Variants in ZFHX3 observed in about 807,000 individuals in gnomAD.
ZFHX3 encodes the protein zinc finger homeobox 3, also known as zinc finger homeobox protein 3.
ZFHX3 carries 42 observed loss-of-function variants against 279.1 expected under a neutral mutation model. That is an observed-to-expected ratio of 0.15 (90% CI 0.12 to 0.19). ZFHX3 has a LOEUF of 0.19. ZFHX3 is among the 10% of genes least tolerant of loss of function. The probability of loss-of-function intolerance (pLI) is 1.00; values close to 1 mark genes in which losing one functional copy is unlikely to be tolerated. For missense variants in ZFHX3, 4,981 were observed against 4,754.0 expected (o/e 1.05, Z -1.40); for synonymous variants, 2,293 against 1,957.8 (o/e 1.17, Z -4.52).
chr16:73,213,850 G>A (rs2012104822), intron 5 of ZFHX3, among the ~76,000 whole-genome samples: 1 of 152,124 alleles, frequency 6.6e-6, no homozygotes, highest in African/African-American at 2.4e-5. Context: ...AACATCAGCT[G>A]TCCTCTCAGT....
At chr16:73,303,452 T>C (rs2015105375) in intron 4 of ZFHX3, among the ~76,000 whole-genome samples, 1 of 152,190 alleles carries the variant, frequency 6.6e-6, no homozygotes, top group Admixed American at 6.5e-5. Context: ...AGGCTGATCT[T>C]ACAATTGACA....
chr16:72,852,557 G>C (rs1423662061), intron 4 of ZFHX3, among the ~76,000 whole-genome samples: 1 of 152,226 alleles, frequency 6.6e-6, no homozygotes, highest in Non-Finnish European at 1.5e-5. Flanking sequence ...AATGGAGACA[G>C]CTGTGCAACA....
chr16:72,927,679 G>A (rs879592486), intron 3 of ZFHX3, among the ~76,000 whole-genome samples: 12 of 151,892 alleles, frequency 7.9e-5, no homozygotes, highest in Middle Eastern at 3.2e-3. Context: ...CCGCCCCTCC[G>A]GAGCCGCCCG....
intron 5 of ZFHX3, among the ~76,000 whole-genome samples, chr16:73,222,434 G>C (rs1027481516): frequency 1.3e-5 from 2 of 151,962 alleles, no homozygotes; most frequent in Admixed American, 1.3e-4. Flanking sequence ...CAATGAACAA[G>C]TGGAATTTGA....
At position 72,797,021 on chromosome 16, in the gene ZFHX3, T is replaced by C. The variant is rs2143443604; in HGVS notation, c.5661A>G (p.Lys1887=). The change falls in exon 9 of 10, where the codon AAA becomes AAG. Residue 1887 remains lysine, a synonymous_variant. Transcript: ENST00000268489. ...KNKLVIKEKE[K]ESQRERDSAE... ...CGCTGTCCCTCTCTCTCTGGCTTTC[T>C]TTTTCCTTTTCTTTGATGACCAATT... is the stretch of plus-strand genomic sequence containing the variant. The C allele has an allele frequency of 6.2e-7, 1 of 1,614,086 alleles. No homozygotes were observed. The highest frequency in any genetic ancestry group is 8.5e-7 in the Non-Finnish European group (1 of 1,180,022).
chr16:72,805,070 C>G (rs535985712), intron 7 of ZFHX3, among the ~76,000 whole-genome samples: 1 of 152,108 alleles, frequency 6.6e-6, no homozygotes, highest in African/African-American at 2.4e-5. Flanking sequence ...CTCCGCCTCC[C>G]GGGTTCAAGT....
chr16:72,953,084 G>A (rs997203653), intron 2 of ZFHX3, among the ~76,000 whole-genome samples: 2 of 151,982 alleles, frequency 1.3e-5, no homozygotes, highest in South Asian at 2.1e-4. Flanking sequence ...AAGTCACCTC[G>A]AGTGATAAGA....
At chr16:73,030,623 T>C (rs563667425) in intron 1 of ZFHX3, among the ~76,000 whole-genome samples, 1 of 151,460 alleles carries the variant, frequency 6.6e-6, no homozygotes, top group African/African-American at 2.4e-5. Context: ...AAGATATTGT[T>C]TGAAGGGAAA....
chr16:73,748,501 C>G (rs1038741695), intron 1 of ZFHX3, among the ~76,000 whole-genome samples: 1 of 151,856 alleles, frequency 6.6e-6, no homozygotes, highest in Non-Finnish European at 1.5e-5. Context: ...AAGACTTACA[C>G]TCTATTTCTT....
Position 73,626,135 on chromosome 16 carries a change from C to T in ZFHX3, c.-1547+54045G>A, listed in dbSNP as rs1338615932. Among the ~76,000 whole-genome samples the T allele has an allele frequency of 2.0e-5, 3 of 152,238 alleles. No individual in the cohort carries two copies. The South Asian group carries it at 6.2e-4, about 32-fold the overall frequency. Reference sequence around the variant, plus strand: ...CCTCCCAAAGTGCTGGGATTACAGGCGTGAGCCACCACGCCCGGCCGAAAT... The same window carrying T: ...CCTCCCAAAGTGCTGGGATTACAGGTGTGAGCCACCACGCCCGGCCGAAAT... On this transcript the variant is annotated intron_variant, in intron 2 of 17. Transcript: ENST00000641206.
Position 73,171,474 on chromosome 16 carries a change from C to T in ZFHX3, c.-1103-27643G>A, listed in dbSNP as rs923304216. Among the ~76,000 whole-genome samples, 5 of 125,936 alleles carry T rather than the reference C, an allele frequency of 4.0e-5. No individual in the cohort carries two copies. In the Admixed American group the frequency reaches 4.3e-4, roughly 11 times the overall value. The allele number at this position is 125,936 out of a possible 152,430, so 82.6% of individuals were successfully genotyped here. A position where few individuals can be genotyped will look rare whatever the true frequency, so the allele number is the denominator to read the frequency against. ...TAAATCCACAGTTGTCCTGGGTGTG[C>T]CTTCTGAACAGAAAATGGCGGGGGG... On this transcript the variant is annotated intron_variant, in intron 5 of 17. Transcript: ENST00000641206.
chr16:72,862,951 A>G (rs1486590386), intron 4 of ZFHX3, among the ~76,000 whole-genome samples: 1 of 152,140 alleles, frequency 6.6e-6, no homozygotes, highest in Admixed American at 6.5e-5. Flanking sequence ...CTATCAAAAA[A>G]CACATGTATT....
At chr16:73,874,830 A>G (rs983984574) in intron 1 of ZFHX3, among the ~76,000 whole-genome samples, 26 of 152,198 alleles carry the variant, frequency 1.7e-4, no homozygotes, top group Non-Finnish European at 3.1e-4. Flanking sequence ...GAGGATTACA[A>G]TGATATAGAT....
At chr16:73,288,177 G>C (rs1373926059) in intron 4 of ZFHX3, among the ~76,000 whole-genome samples, 4 of 151,928 alleles carry the variant, frequency 2.6e-5, no homozygotes, top group African/African-American at 4.8e-5. Flanking sequence ...CATGGAGGGA[G>C]GGAGGGAGGG....
chr16:72,955,939 G>C (rs1961232548), intron 2 of ZFHX3, among the ~76,000 whole-genome samples: 1 of 152,092 alleles, frequency 6.6e-6, no homozygotes, highest in Non-Finnish European at 1.5e-5. Flanking sequence ...GAAAACCTTA[G>C]AGTACTCACT....
intron 7 of ZFHX3, among the ~76,000 whole-genome samples, chr16:72,810,876 T>G (rs1458541215): frequency 6.6e-6 from 1 of 152,002 alleles, no homozygotes; most frequent in African/African-American, 2.4e-5. Context: ...TCAAAAAAAT[T>G]TTTTTTTCTT....
chr16:73,579,511 T>G (rs1411858588), intron 2 of ZFHX3, among the ~76,000 whole-genome samples: 1 of 151,290 alleles, frequency 6.6e-6, no homozygotes, highest in Non-Finnish European at 1.5e-5. Context: ...ATAATCTTTT[T>G]TTTTTTTTGA....
At chr16:73,365,231 G>A (rs566326183) in intron 3 of ZFHX3, among the ~76,000 whole-genome samples, 81 of 152,370 alleles carry the variant, frequency 5.3e-4, no homozygotes, top group Non-Finnish European at 9.3e-4. Context: ...GGCTGCCCGT[G>A]CACTTGCAAT....
intron 5 of ZFHX3, among the ~76,000 whole-genome samples, chr16:73,217,673 G>A (rs1045176371): frequency 1.3e-5 from 2 of 152,176 alleles, no homozygotes; most frequent in African/African-American, 2.4e-5. Context: ...CCCACTCCAC[G>A]GGGTTTCAGT....
Sources: allele counts gnomAD v4.1 joint callset (sites outside exome capture counted in the v4.1 genomes callset), GRCh38; gene constraint gnomAD v4.1.1; transcripts MANE v1.5; gene names NCBI Gene and HGNC (gene_info 2026-07-23, HGNC 2026-07-21).